The following SOX5 variants were observed in gnomAD, a reference collection of about 807,000 sequenced individuals.
SOX5 encodes transcription factor SOX-5.
In SOX5, 9 loss-of-function variants were observed where a neutral mutation model predicts 92.0. The ratio of observed to expected loss-of-function variants is 0.10; its 90% CI spans 0.06 to 0.17. SOX5 has a LOEUF of 0.17. Among genes scored for constraint, SOX5 ranks in the 10% least tolerant of loss-of-function variants. SOX5 has a pLI of 1.00. For missense variants in SOX5, 642 were observed against 944.5 expected (o/e 0.68, Z 4.20); for synonymous variants, 344 against 336.3 (o/e 1.02, Z -0.25).
intron 3 of SOX5, among the ~76,000 whole-genome samples, chr12:24,252,301 T>A (rs1940235231): frequency 6.6e-6 from 1 of 152,204 alleles, no homozygotes; most frequent in African/African-American, 2.4e-5. Context: ...AGCAAAGACC[T>A]ACGAAATTTT....
chr12:23,643,568 G>C (rs1166334170), intron 7 of SOX5, among the ~76,000 whole-genome samples: 1 of 152,184 alleles, frequency 6.6e-6, no homozygotes, highest in East Asian at 1.9e-4. Context: ...AGATTAAAAA[G>C]AGGTCCAAAA....
chr12:23,617,645 G>A (rs2076722136), intron 8 of SOX5, among the ~76,000 whole-genome samples: 1 of 152,108 alleles, frequency 6.6e-6, no homozygotes, highest in African/African-American at 2.4e-5. Flanking sequence ...TAAATCTTAA[G>A]ACCTTTTTCA....
At chr12:24,182,829 T>G (rs533750357) in intron 4 of SOX5, among the ~76,000 whole-genome samples, 5 of 152,258 alleles carry the variant, frequency 3.3e-5, no homozygotes, top group Admixed American at 1.3e-4. Context: ...TTCTCTTGCC[T>G]CAGCCTCCCG....
intron 7 of SOX5, among the ~76,000 whole-genome samples, chr12:23,657,595 G>C (rs1233484599): frequency 6.6e-6 from 1 of 152,060 alleles, no homozygotes; most frequent in Non-Finnish European, 1.5e-5. Flanking sequence ...CATTTATTCA[G>C]ATAAAATAAT....
At chr12:23,563,460 G>T in intron 10 of SOX5, 57 bp from the exon 11 acceptor site, 1 of 1,511,182 alleles carries the variant, frequency 6.6e-7, no homozygotes, top group Non-Finnish European at 9.0e-7. Flanking sequence ...CTAGGCTAGC[G>T]TTTAACCATA....
chr12:24,056,175 T>A (rs938182461), intron 4 of SOX5, among the ~76,000 whole-genome samples: 2 of 152,196 alleles, frequency 1.3e-5, no homozygotes, highest in African/African-American at 4.8e-5. Context: ...TGCCTAATTG[T>A]GCATACTGTT....
At chr12:24,250,132 C>T (rs919165787) in intron 3 of SOX5, among the ~76,000 whole-genome samples, 1 of 152,134 alleles carries the variant, frequency 6.6e-6, no homozygotes, top group Non-Finnish European at 1.5e-5. Context: ...CCCAAAATCA[C>T]CTCTGGTTTG....
chr12:24,210,017 C>CAAAA (rs1173723179), intron 4 of SOX5, among the ~76,000 whole-genome samples: 20 of 62,706 alleles, frequency 3.2e-4, no homozygotes, highest in East Asian at 1.6e-3. Context: ...GACTCCGTCT[C>CAAAA]AAAAAAAAAA....
At position 24,548,127 on chromosome 12, in the gene SOX5, A is replaced by T. The variant is rs558029991; in HGVS notation, c.-251+14202T>A. 3.9e-5 allele frequency among the ~76,000 whole-genome samples: 6 copies of T among 152,320 alleles called. No homozygotes were observed. The South Asian group carries it at 1.2e-3, about 32-fold the overall frequency. On this transcript the variant is annotated intron_variant, in intron 1 of 4. Transcript: ENST00000446891. ...AATTATACCCATTCTGCAGATGAGG[A>T]ATCAGACTCAGAGGGCTCAAGTAAA...
At chr12:24,113,097 A>G (rs2138180899) in intron 4 of SOX5, among the ~76,000 whole-genome samples, 1 of 151,954 alleles carries the variant, frequency 6.6e-6, no homozygotes, top group African/African-American at 2.4e-5. Context: ...TTATTTAGAC[A>G]AAATCAATAC....
chr12:23,872,968 C>T (rs1482881511), intron 2 of SOX5, among the ~76,000 whole-genome samples: 3 of 152,092 alleles, frequency 2.0e-5, no homozygotes, highest in African/African-American at 4.8e-5. Flanking sequence ...TCTCTAATTG[C>T]GTCGTCAAAA....
intron 2 of SOX5, among the ~76,000 whole-genome samples, chr12:24,325,453 T>C (rs972736040): frequency 3.3e-5 from 5 of 152,070 alleles, no homozygotes; most frequent in African/African-American, 4.8e-5. Flanking sequence ...GGAAGAACCG[T>C]TGAGAGAAGC....
In SOX5 at chr12:24,244,530, G is replaced by A. The variant is rs570865279; in HGVS notation, c.-76-31113C>T. The stretch of plus-strand genomic sequence containing the variant: ...GGTTAAACACTTGGGTGCTAGCACA[G>A]GCCCCTAGGTAGGAATACTCTCAGT... On this transcript the variant is annotated intron_variant, in intron 3 of 4. Transcript: ENST00000446891. Among the ~76,000 whole-genome samples the A allele has an allele frequency of 9.6e-4, 146 of 152,322 alleles. 1 individual carries two copies. Among genetic ancestry groups the A allele is most frequent in the South Asian group, 8.9e-3 (43 of 4,830 alleles).
intron 3 of SOX5, among the ~76,000 whole-genome samples, chr12:23,758,039 T>C (rs1251521891): frequency 9.2e-6 from 1 of 108,134 alleles, no homozygotes; most frequent in South Asian, 3.1e-4. Context: ...AAAAAAAGAA[T>C]AACTTCTTTA....
intron 10 of SOX5, among the ~76,000 whole-genome samples, chr12:23,574,292 G>A (rs948703245): frequency 1.3e-5 from 2 of 151,878 alleles, no homozygotes; most frequent in Non-Finnish European, 2.9e-5. Flanking sequence ...ATCTTTTACC[G>A]ATGAGGCTCG....
chr12:24,212,146 T>A (rs1418100488), intron 4 of SOX5, among the ~76,000 whole-genome samples: 1 of 152,124 alleles, frequency 6.6e-6, no homozygotes. Flanking sequence ...AAGCAGAGAG[T>A]TAAGCATATG....
chr12:24,269,323 T>C (rs996592253), intron 3 of SOX5, among the ~76,000 whole-genome samples: 7 of 152,272 alleles, frequency 4.6e-5, no homozygotes, highest in African/African-American at 1.7e-4. Flanking sequence ...AGCAAATAAC[T>C]ATAAATGCAG....
rs184800667 is a variant in SOX5, at chr12:24,415,860, A to G, written c.-250-47221T>C. Among the ~76,000 whole-genome samples the G allele has an allele frequency of 2.6e-3, 402 of 152,386 alleles. 5 individuals carry two copies. Among genetic ancestry groups the G allele is most frequent in the African/African-American group, 9.2e-3 (382 of 41,596 alleles). On this transcript the variant is annotated intron_variant, in intron 1 of 4. Transcript: ENST00000446891. ...GTGATCTAACTACATCAAAGTTGGA[A>G]AAGTCATTAGCAGAGAAAGAAGTAA...
At chr12:24,538,660 C>T (rs1951859732) in intron 1 of SOX5, among the ~76,000 whole-genome samples, 1 of 151,526 alleles carries the variant, frequency 6.6e-6, no homozygotes, top group Admixed American at 6.6e-5. Context: ...AAGACAGACT[C>T]TAATATTTTT....
Sources: gnomAD v4.1 joint callset for allele counts (sites outside exome capture counted in the v4.1 genomes callset) on GRCh38, gnomAD v4.1.1 for gene constraint, MANE v1.5 for transcripts, NCBI Gene and HGNC (gene_info 2026-07-23, HGNC 2026-07-21) for gene names.